CDH12: variants seen among roughly 807,000 people sequenced by gnomAD.
The protein encoded by CDH12 is cadherin-12.
Under a neutral mutation model 74.1 loss-of-function variants are expected in CDH12, and 41 were observed. The ratio of observed to expected loss-of-function variants is 0.55; its 90% CI spans 0.43 to 0.72. The LOEUF is 0.72. Ranked by LOEUF, CDH12 falls within the 30% of genes least tolerant of loss-of-function variation. The pLI, the probability that CDH12 is intolerant of heterozygous loss-of-function variation, is 0.00. For synonymous variants in CDH12, 399 were observed against 355.0 expected, an observed-to-expected ratio of 1.12 and a Z score of -1.39; for missense variants, 945 against 977.2, an observed-to-expected ratio of 0.97 and a Z score of 0.44.
chr5:22,392,898 A>G (rs1477590612), intron 3 of CDH12, among the ~76,000 whole-genome samples: 1 of 151,886 alleles, frequency 6.6e-6, no homozygotes, highest in Non-Finnish European at 1.5e-5. Flanking sequence ...AAACTTCTCA[A>G]CCACCCCTAG....
chr5:22,784,499 C>A lies in CDH12; in HGVS notation c.-523+68559G>T, dbSNP rs10071284. Among the ~76,000 whole-genome samples, 1,120 of 152,190 alleles carry A rather than the reference C, an allele frequency of 7.4e-3. 9 individuals are homozygous for A. The highest frequency in any genetic ancestry group is 0.026 in the African/African-American group (1,064 of 41,508). On this transcript the variant is annotated intron_variant, in intron 1 of 14. Coordinates refer to ENST00000382254, the MANE Select transcript of CDH12 (RefSeq NM_004061.5). ...TTTCCTTCTTCCTCACCCACCCATCCAGATTAAATTGGTCACCACTAACTG... is the reference window on the plus strand; with the variant it reads ...TTTCCTTCTTCCTCACCCACCCATCAAGATTAAATTGGTCACCACTAACTG...
Position 21,941,542 on chromosome 5 carries a change from C to G in CDH12, c.526+33549G>C, listed in dbSNP as rs556499339. On this transcript the variant is annotated intron_variant, in intron 6 of 14. Transcript: ENST00000382254. ...TGGTCATTCCCATTAAGAAACTCAA[C>G]TGAAAATCTGTTTCACTGAATCAAG... Among the ~76,000 whole-genome samples the G allele has an allele frequency of 1.2e-3, 177 of 151,744 alleles. 1 individual carries two copies. The highest frequency in any genetic ancestry group is 2.1e-3 in the Non-Finnish European group (140 of 67,928).
chr5:22,627,534 C>A (rs12187282), intron 1 of CDH12, among the ~76,000 whole-genome samples: 22,381 of 151,642 alleles, frequency 0.15, 2,145 homozygotes, highest in Admixed American at 0.33. Context: ...CCTTTACAGA[C>A]AAGCAAATGT....
intron 1 of CDH12, among the ~76,000 whole-genome samples, chr5:22,831,369 G>GTC (rs1394157512): frequency 8.1e-6 from 1 of 123,820 alleles, no homozygotes; most frequent in African/African-American, 3.1e-5. Context: ...GTGTGTGTGT[G>GTC]TCTGTGTGTG....
At chr5:22,321,410 C>T (rs1314968626) in intron 3 of CDH12, among the ~76,000 whole-genome samples, 2 of 141,006 alleles carry the variant, frequency 1.4e-5, no homozygotes, top group Non-Finnish European at 3.0e-5. Flanking sequence ...AACCAAACAC[C>T]GCATATTCTC....
intron 5 of CDH12, among the ~76,000 whole-genome samples, chr5:22,067,499 T>C (rs7445482): frequency 0.031 from 4,770 of 152,158 alleles, 169 homozygotes; most frequent in African/African-American, 0.086. Context: ...ATGCTGCTAG[T>C]TTTGAGTGGG....
intron 1 of CDH12, among the ~76,000 whole-genome samples, chr5:22,601,279 G>T (rs1005655092): frequency 6.6e-6 from 1 of 151,918 alleles, no homozygotes; most frequent in African/African-American, 2.4e-5. Flanking sequence ...TTGTCACCGG[G>T]TATTAAGCCT....
rs1738510756 is a variant in CDH12, at chr5:22,028,081, T to C, written c.231+50365A>G. On this transcript the variant is annotated intron_variant, in intron 5 of 14. Transcript: ENST00000382254. ...CTTCATTTCGTTATGTACCCAGTAG[T>C]CATTCAGGAGCAAGTTGTTCAGTTT... Among the ~76,000 whole-genome samples the C allele has an allele frequency of 2.0e-5, 3 of 152,114 alleles. No homozygotes were observed. In the South Asian group the frequency reaches 6.2e-4, roughly 32 times the overall value.
At position 22,253,645 on chromosome 5, in the gene CDH12, C is replaced by T. The variant is rs554333866; in HGVS notation, c.-332-41002G>A. ...AACTTCTTGCCTTTCTCAACATTCT[C>T]TTTCAATCTAGCTCCTAAATTTTAG... On this transcript the variant is annotated intron_variant, in intron 3 of 14. Coordinates refer to ENST00000382254, the MANE Select transcript of CDH12 (RefSeq NM_004061.5). Among the ~76,000 whole-genome samples, 4 of 151,946 alleles carry T rather than the reference C, an allele frequency of 2.6e-5. No individual in the cohort carries two copies. The East Asian group carries it at 5.8e-4, about 22-fold the overall frequency.
chr5:21,790,241 T>C (rs1325561743), intron 10 of CDH12, among the ~76,000 whole-genome samples: 1 of 152,096 alleles, frequency 6.6e-6, no homozygotes, highest in Non-Finnish European at 1.5e-5. Flanking sequence ...CATATACAGG[T>C]TATGTTTAAA....
intron 3 of CDH12, among the ~76,000 whole-genome samples, chr5:22,296,928 A>G (rs1401210436): frequency 6.6e-6 from 1 of 152,150 alleles, no homozygotes; most frequent in Admixed American, 6.6e-5. Flanking sequence ...ATACAAGATG[A>G]CAATACTCCT....
At chr5:22,161,545 T>G (rs1748351469) in intron 4 of CDH12, among the ~76,000 whole-genome samples, 1 of 151,908 alleles carries the variant, frequency 6.6e-6, no homozygotes, top group African/African-American at 2.4e-5. Flanking sequence ...ATAATAATAA[T>G]AATAATAATA....
intron 4 of CDH12, among the ~76,000 whole-genome samples, chr5:22,148,353 A>G (rs1289127746): frequency 1.3e-5 from 2 of 151,992 alleles, no homozygotes; most frequent in Non-Finnish European, 2.9e-5. Flanking sequence ...TGTGCATTAT[A>G]TGTTGCTACT....
Position 22,109,832 on chromosome 5 carries a change from G to A in CDH12, c.-186-30970C>T, listed in dbSNP as rs541877930. On this transcript the variant is annotated intron_variant, in intron 4 of 14. Coordinates refer to ENST00000382254, the MANE Select transcript of CDH12 (RefSeq NM_004061.5). Reference sequence around the variant, plus strand: ...TGAAAAATTCAATTGACATAAGACAGATTAGCAGGAAAAAAGGGCACATAT... The same window carrying A: ...TGAAAAATTCAATTGACATAAGACAAATTAGCAGGAAAAAAGGGCACATAT... Among the ~76,000 whole-genome samples the A allele has an allele frequency of 4.6e-5, 7 of 152,222 alleles. No homozygotes were observed. The South Asian group carries it at 1.4e-3, about 32-fold the overall frequency.
intron 1 of CDH12, among the ~76,000 whole-genome samples, chr5:22,570,914 A>G (rs1050839664): frequency 1.3e-5 from 2 of 152,116 alleles, no homozygotes; most frequent in Admixed American, 1.3e-4. Context: ...CTCCTGGAAA[A>G]TTTGCTGCAG....
chr5:22,533,176 AG>A (rs779277681), intron 1 of CDH12, among the ~76,000 whole-genome samples: 1 of 152,050 alleles, frequency 6.6e-6, no homozygotes, highest in Non-Finnish European at 1.5e-5. Context: ...TGACAATGTC[AG>A]GGGACATTTT....
At chr5:22,032,049 C>T (rs1357142065) in intron 5 of CDH12, among the ~76,000 whole-genome samples, 1 of 151,450 alleles carries the variant, frequency 6.6e-6, no homozygotes, top group African/African-American at 2.4e-5. Context: ...ATCTGCAAAG[C>T]TCAATAAAGT....
At chr5:22,484,339 A>C (rs1183103771) in intron 2 of CDH12, among the ~76,000 whole-genome samples, 2 of 152,170 alleles carry the variant, frequency 1.3e-5, no homozygotes, top group Non-Finnish European at 2.9e-5. Flanking sequence ...TTTGCTTGGA[A>C]GACAACGATT....
At chr5:22,735,931 C>T (rs1245864754) in intron 1 of CDH12, among the ~76,000 whole-genome samples, 5 of 151,770 alleles carry the variant, frequency 3.3e-5, no homozygotes, top group Admixed American at 2.0e-4. Flanking sequence ...AACAGAAGCA[C>T]TAGACCAGGA....
Sources: allele counts gnomAD v4.1 joint callset (sites outside exome capture counted in the v4.1 genomes callset), GRCh38; gene constraint gnomAD v4.1.1; transcripts MANE v1.5; gene names NCBI Gene and HGNC (gene_info 2026-07-23, HGNC 2026-07-21).